Variants in APAF1 observed in about 807,000 individuals in gnomAD.
APAF1 encodes apoptotic peptidase activating factor 1, also known as apoptotic protease-activating factor 1.
Under a neutral mutation model 152.4 loss-of-function variants are expected in APAF1, and 91 were observed. That is an observed-to-expected ratio of 0.60 (90% CI 0.50 to 0.71). The LOEUF (loss-of-function observed/expected upper bound fraction) is 0.71. Among genes scored for constraint, APAF1 ranks in the 30% least tolerant of loss-of-function variants. The probability of loss-of-function intolerance (pLI) is 0.00; values close to 1 mark genes in which losing one functional copy is unlikely to be tolerated. For missense variants in APAF1, 1,283 were observed against 1,472.0 expected (o/e 0.87, Z 2.10); for synonymous variants, 484 against 494.1 (o/e 0.98, Z 0.27).
At chr12:98,666,767 G>A (rs556833576) in intron 9 of APAF1, among the ~76,000 whole-genome samples, 1 of 152,190 alleles carries the variant, frequency 6.6e-6, no homozygotes, top group East Asian at 1.9e-4. Flanking sequence ...TTCCTGACTA[G>A]ATTGAAGTTA....
At chr12:98,702,015 G>T (rs1010203755) in intron 17 of APAF1, among the ~76,000 whole-genome samples, 1 of 152,128 alleles carries the variant, frequency 6.6e-6, no homozygotes, top group African/African-American at 2.4e-5. Flanking sequence ...TTGGCCTCCG[G>T]CGCTACGCTG....
chr12:98,697,047 A>G (rs2097710736), intron 16 of APAF1, among the ~76,000 whole-genome samples: 1 of 152,198 alleles, frequency 6.6e-6, no homozygotes, highest in Non-Finnish European at 1.5e-5. Context: ...ACCTGATACT[A>G]CAACCAGATT....
chr12:98,647,881 C>T (rs1041300624), intron 1 of APAF1, among the ~76,000 whole-genome samples: 1 of 151,932 alleles, frequency 6.6e-6, no homozygotes, highest in Non-Finnish European at 1.5e-5. Context: ...ATCACTGAAA[C>T]ATCCTCCATT....
chr12:98,710,552 C>T (rs1565888323), intron 20 of APAF1, among the ~76,000 whole-genome samples: 1 of 152,110 alleles, frequency 6.6e-6, no homozygotes, highest in East Asian at 1.9e-4. Flanking sequence ...GACAGATGGA[C>T]AGAGGGTAGG....
intron 17 of APAF1, among the ~76,000 whole-genome samples, chr12:98,700,104 C>A (rs2097713798): frequency 6.6e-6 from 1 of 152,088 alleles, no homozygotes; most frequent in African/African-American, 2.4e-5. Flanking sequence ...TAAGAAAATT[C>A]TTTGCTTTTC....
intron 10 of APAF1, 27 bp from the exon 11 acceptor site, chr12:98,670,946 G>A: frequency 6.8e-7 from 1 of 1,469,084 alleles, no homozygotes; most frequent in Non-Finnish European, 9.5e-7. Flanking sequence ...TAACAGTGCT[G>A]CTGATACTAC....
At position 98,650,994 on chromosome 12, in the gene APAF1, G is replaced by A. The variant is rs973313755; in HGVS notation, c.526+1310G>A. The stretch of plus-strand genomic sequence containing the variant: ...TATTGTGATGAATTTTCAATTCTAG[G>A]GATTAAAATTGACTAACAATCTATG... On this transcript the variant is annotated intron_variant, in intron 4 of 26. Coordinates refer to ENST00000551964, the MANE Select transcript of APAF1 (RefSeq NM_181861.2). Among the ~76,000 whole-genome samples the A allele has an allele frequency of 6.6e-5, 10 of 152,094 alleles. No individual in the cohort carries two copies. The South Asian group carries it at 1.5e-3, about 22-fold the overall frequency.
intron 22 of APAF1, 62 bp from the exon 23 acceptor site, chr12:98,723,120 TACACTCTCTCC>T: frequency 6.6e-7 from 1 of 1,507,538 alleles, no homozygotes; most frequent in East Asian, 2.3e-5. Flanking sequence ...CAAGAGAATG[TACACTCTCTCC>T]ACCCCTCCAA....
rs1418734846 is a variant in APAF1 at position 98,734,953 on chromosome 12, A to T, written c.*2387A>T. 10 of 372,240 alleles carry T rather than the reference A, an allele frequency of 2.7e-5. No homozygotes were observed. The highest frequency in any genetic ancestry group is 4.7e-5 in the Non-Finnish European group (10 of 210,814). The allele number at this position is 372,240 out of a possible 1,614,324, so 23.1% of individuals were successfully genotyped here. ...AAAGCCTTGAATGGCCCTTGTCTTAAAAAGAAATTAGGAGCCAGGTGCGGT... is the reference window on the plus strand; with the variant it reads ...AAAGCCTTGAATGGCCCTTGTCTTATAAAGAAATTAGGAGCCAGGTGCGGT... On this transcript the variant is annotated 3_prime_UTR_variant, in exon 27 of 27. Coordinates refer to ENST00000551964, the MANE Select transcript of APAF1 (RefSeq NM_181861.2).
intron 3 of APAF1, chr12:98,649,060 A>G (rs538301875): frequency 2.6e-6 from 2 of 770,040 alleles, no homozygotes; most frequent in Admixed American, 3.0e-5. Context: ...TTTAGAGACA[A>G]TAAGACAATT....
At chr12:98,696,142 T>C (rs547527888) in intron 16 of APAF1, among the ~76,000 whole-genome samples, 17 of 152,270 alleles carry the variant, frequency 1.1e-4, no homozygotes, top group African/African-American at 3.4e-4. Flanking sequence ...ACATAATACC[T>C]GAGACTGGGT....
chr12:98,665,278 ATTTTT>A lies in APAF1; in HGVS notation c.956-264_956-260del, dbSNP rs376318016. Among the ~76,000 whole-genome samples the A allele has an allele frequency of 9.5e-4, 63 of 65,992 alleles. 2 individuals carry two copies. Among genetic ancestry groups the A allele is most frequent in the African/African-American group, 3.2e-3 (57 of 17,728 alleles). 43.3% of individuals were successfully genotyped at this position (65,992 alleles called of 152,430 possible). A position where few individuals can be genotyped will look rare whatever the true frequency, so the allele number is the denominator to read the frequency against. ...CGCATATATATATATATATATATAT[ATTTTT>A]TTTTTTTTTTGTAATGACATCTTAG... On this transcript the variant is annotated intron_variant, in intron 7 of 26. Coordinates refer to ENST00000551964, the MANE Select transcript of APAF1 (RefSeq NM_181861.2).
At chr12:98,671,189 A>AAT (rs2097679683) in intron 11 of APAF1, 103 bp downstream of exon 11, 7 of 784,928 alleles carry the variant, frequency 8.9e-6, no homozygotes, top group Admixed American at 2.5e-5. Flanking sequence ...AGAAGGGGTG[A>AAT]AGATAATTTC....
rs191538718 is a variant in APAF1, at chr12:98,646,843, A to T, written c.-42+1008A>T. ...CAAGTATTTTACTATAAAGGCTGTT[A>T]TTCTTTCCTCATGTCCTCCTGGTCT... On this transcript the variant is annotated intron_variant, in intron 1 of 26. Coordinates refer to ENST00000551964, the MANE Select transcript of APAF1 (RefSeq NM_181861.2). Among the ~76,000 whole-genome samples, 13 of 152,308 alleles carry T rather than the reference A, an allele frequency of 8.5e-5. No individual in the cohort carries two copies. The East Asian group carries it at 2.5e-3, about 29-fold the overall frequency.
intron 10 of APAF1, among the ~76,000 whole-genome samples, chr12:98,668,290 C>T (rs1312232526): frequency 6.6e-6 from 1 of 152,122 alleles, no homozygotes; most frequent in Non-Finnish European, 1.5e-5. Flanking sequence ...AAATGAACCA[C>T]CTCAGAATTA....
intron 16 of APAF1, among the ~76,000 whole-genome samples, chr12:98,691,172 A>AAT (rs2097703782): frequency 6.6e-6 from 1 of 152,102 alleles, no homozygotes; most frequent in African/African-American, 2.4e-5. Context: ...GCGCCACTGC[A>AAT]CTCAAGCCTG....
chr12:98,666,713 G>A (rs1002348869), intron 9 of APAF1, among the ~76,000 whole-genome samples: 1 of 152,008 alleles, frequency 6.6e-6, no homozygotes, highest in South Asian at 2.1e-4. Context: ...GTACTGGCTA[G>A]TAATTTTGTA....
chr12:98,707,034 G>C (rs1276456343), intron 19 of APAF1, among the ~76,000 whole-genome samples: 1 of 151,832 alleles, frequency 6.6e-6, no homozygotes, highest in East Asian at 1.9e-4. Flanking sequence ...TACTTCTCTT[G>C]TTGTATTAGT....
chr12:98,675,911 T>C (rs994369701), intron 12 of APAF1, among the ~76,000 whole-genome samples: 1 of 152,230 alleles, frequency 6.6e-6, no homozygotes, highest in Non-Finnish European at 1.5e-5. Flanking sequence ...TTTTGAAGAA[T>C]GATAGTAGTG....
Sources: allele counts gnomAD v4.1 joint callset (sites outside exome capture counted in the v4.1 genomes callset), GRCh38; gene constraint gnomAD v4.1.1; transcripts MANE v1.5; gene names NCBI Gene and HGNC (gene_info 2026-07-23, HGNC 2026-07-21).